The following COL4A4 variants were observed in gnomAD, a reference collection of about 807,000 sequenced individuals.
COL4A4 encodes the protein collagen type IV alpha 4 chain.
COL4A4 carries 105 observed loss-of-function variants against 192.9 expected under a neutral mutation model. The observed-to-expected ratio is 0.54, with a 90% CI of 0.46 to 0.64. The LOEUF is 0.64. Ranked by LOEUF, COL4A4 falls within the 30% of genes least tolerant of loss-of-function variation. The pLI is 0.00. For missense variants in COL4A4, 1,967 were observed against 2,169.3 expected (o/e 0.91, Z 1.85); for synonymous variants, 762 against 769.9 (o/e 0.99, Z 0.17).
Position 227,118,717 on chromosome 2 carries a change from A to G in COL4A4, c.417T>C (p.Ser139=). Residue 139 remains serine (S), a synonymous_variant, in exon 7 of 48, where the codon AGT becomes AGC. Coordinates refer to ENST00000396625, the MANE Select transcript of COL4A4 (RefSeq NM_000092.5). ...PPGPRGKPGM[S]GHNGSRGDPG... is the part of the protein sequence containing the mutation. ...GGTCACCTCTTGAGCCATTGTGGCC[A>G]CTCATACCAGGTTTGCCTCTGGGTC... 6.2e-7 allele frequency: 1 copy of G among 1,613,990 alleles called. No individual in the cohort carries two copies.
intron 41 of COL4A4, among the ~76,000 whole-genome samples, chr2:227,029,501 C>T (rs183514179): frequency 3.3e-5 from 5 of 152,306 alleles, no homozygotes; most frequent in Admixed American, 1.3e-4. Context: ...ATAGTCATGG[C>T]GGCCTCACAG....
At chr2:227,137,888 T>G (rs1359616631) in intron 4 of COL4A4, among the ~76,000 whole-genome samples, 1 of 152,192 alleles carries the variant, frequency 6.6e-6, no homozygotes, top group Non-Finnish European at 1.5e-5. Flanking sequence ...TATATTTACA[T>G]TAATAACCTC....
intron 24 of COL4A4, among the ~76,000 whole-genome samples, 187 bp from the exon 25 acceptor site, chr2:227,078,264 A>G (rs1049787146): frequency 2.6e-5 from 4 of 152,144 alleles, no homozygotes; most frequent in Admixed American, 2.0e-4. Context: ...ATATATAGAA[A>G]TGGAGTCTCT....
In COL4A4 at chr2:227,037,150, T is replaced by C. The variant is rs1969849211; in HGVS notation, c.3506-3669A>G. ...GTACAGAATGTGCAGGTTTTTTACATAGGTATACATGTGCCATGGTGGTTT... is the reference window on the plus strand; with the variant it reads ...GTACAGAATGTGCAGGTTTTTTACACAGGTATACATGTGCCATGGTGGTTT... On this transcript the variant is annotated intron_variant, in intron 37 of 47. Transcript: ENST00000396625. Among the ~76,000 whole-genome samples the C allele has an allele frequency of 2.0e-5, 3 of 152,162 alleles. No homozygotes were observed. In the South Asian group the frequency reaches 6.2e-4, roughly 32 times the overall value.
At chr2:227,041,840 GAAAGAAAGAGAAAGAA>G (rs1559477859) in intron 37 of COL4A4, among the ~76,000 whole-genome samples, 63 of 73,028 alleles carry the variant, frequency 8.6e-4, no homozygotes, top group South Asian at 3.1e-3. Context: ...AAGAAAGAAA[GAAAGAAAGAGAAAGAA>G]AGAAAGAAAG....
chr2:227,046,792 C>T (rs1189417349), intron 35 of COL4A4, among the ~76,000 whole-genome samples: 1 of 151,966 alleles, frequency 6.6e-6, no homozygotes, highest in Non-Finnish European at 1.5e-5. Flanking sequence ...AACACTGGCA[C>T]CCCCCTTCTG....
chr2:227,072,631 A>C (rs2058787763), intron 25 of COL4A4, among the ~76,000 whole-genome samples: 1 of 151,986 alleles, frequency 6.6e-6, no homozygotes, highest in Non-Finnish European at 1.5e-5. Context: ...AATTTCCTTG[A>C]TGAACATAGA....
In COL4A4 at chr2:227,008,264, G is replaced by C; in HGVS notation, c.4563C>G (p.Pro1521=). The change falls in exon 47 of 48, where the codon CCC becomes CCG. Residue 1521 remains proline, a synonymous_variant. Coordinates refer to ENST00000396625, the MANE Select transcript of COL4A4 (RefSeq NM_000092.5). The part of the protein sequence containing the change: ...GSCLPVFSTL[P]FAYCNIHQVC... ...CCTGGTGGATGTTGCAGTAGGCAAA[G>C]GGCAGCGTGCTAAATACGGGAAGGC... 3.1e-6 allele frequency: 5 copies of C among 1,614,252 alleles called. No homozygotes were observed. The Middle Eastern group carries it at 8.2e-4, about 266-fold the overall frequency.
Position 227,098,779 on chromosome 2 carries a change from C to T in COL4A4, c.1119G>A (p.Gly373=), listed in dbSNP as rs1394330953. 1.2e-6 allele frequency: 2 copies of T among 1,613,852 alleles called. No homozygotes were observed. The highest frequency in any genetic ancestry group is 1.6e-4 in the Middle Eastern group (1 of 6,084). The change falls in exon 19 of 48, where the codon GGG becomes GGA. Residue 373 remains glycine, a synonymous_variant. Coordinates refer to ENST00000396625, the MANE Select transcript of COL4A4 (RefSeq NM_000092.5). The stretch of plus-strand genomic sequence containing the variant: ...CTGTTTCTCCATAGCGGCCAGGGAA[C>T]CCTGGGTCCCCTGGTGGGCCTGCCA... ...LPLKGPPGDP[G]FPGRYGETGD...
At chr2:226,986,127 C>G in the COL4A4 span, among the ~76,000 whole-genome samples, 1 of 152,088 alleles carries the variant, frequency 6.6e-6, no homozygotes, top group South Asian at 2.1e-4. Flanking sequence ...CAAACCAGAC[C>G]GAATGAAATT....
intron 37 of COL4A4, among the ~76,000 whole-genome samples, chr2:227,040,292 A>G (rs1225794100): frequency 6.6e-6 from 1 of 152,140 alleles, no homozygotes; most frequent in Non-Finnish European, 1.5e-5. Context: ...TGGTTACAAG[A>G]CTCTACCAAG....
At chr2:226,990,142 C>T in the COL4A4 span, among the ~76,000 whole-genome samples, 1 of 152,270 alleles carries the variant, frequency 6.6e-6, no homozygotes, top group African/African-American at 2.4e-5. Context: ...AGTGTGGTTA[C>T]TGTCTTTAAG....
At chr2:227,056,845 G>A (rs1975483630) in intron 29 of COL4A4, among the ~76,000 whole-genome samples, 2 of 152,208 alleles carry the variant, frequency 1.3e-5, no homozygotes, top group African/African-American at 2.4e-5. Flanking sequence ...AGGACACAAG[G>A]AAGGCACACC....
chr2:227,014,428 C>A (rs1040651164), intron 44 of COL4A4, among the ~76,000 whole-genome samples: 1 of 152,194 alleles, frequency 6.6e-6, no homozygotes, highest in Non-Finnish European at 1.5e-5. Flanking sequence ...CCGGTGATGA[C>A]CTTGGCGGCA....
chr2:226,967,883 C>A, the COL4A4 span, among the ~76,000 whole-genome samples: 1 of 152,076 alleles, frequency 6.6e-6, no homozygotes, highest in African/African-American at 2.4e-5. Flanking sequence ...AGGCACAGGA[C>A]TGTCCTGTAC....
intron 22 of COL4A4, among the ~76,000 whole-genome samples, chr2:227,083,958 G>A (rs979681247): frequency 1.3e-5 from 2 of 152,110 alleles, no homozygotes; most frequent in African/African-American, 4.8e-5. Context: ...ATGGACAACA[G>A]GGTTGGAAGC....
At chr2:226,978,660 G>A in the COL4A4 span, among the ~76,000 whole-genome samples, 5 of 152,184 alleles carry the variant, frequency 3.3e-5, no homozygotes, top group East Asian at 1.9e-4. Flanking sequence ...AGCTCACAAC[G>A]CAGTGAGAAT....
chr2:227,091,553 G>C (rs1334631209), intron 20 of COL4A4, among the ~76,000 whole-genome samples: 1 of 152,044 alleles, frequency 6.6e-6, no homozygotes, highest in Admixed American at 6.6e-5. Context: ...TCAGCCTTTT[G>C]GCTAAGATTG....
At chr2:226,974,328 C>G in the COL4A4 span, among the ~76,000 whole-genome samples, 3 of 151,078 alleles carry the variant, frequency 2.0e-5, no homozygotes, top group East Asian at 2.0e-4. Flanking sequence ...AGCTCCACCC[C>G]CTGGGTTCAC....
Sources: allele counts gnomAD v4.1 joint callset (sites outside exome capture counted in the v4.1 genomes callset), GRCh38; gene constraint gnomAD v4.1.1; transcripts MANE v1.5; gene names NCBI Gene and HGNC (gene_info 2026-07-23, HGNC 2026-07-21).